ATP6V1H: variants seen among roughly 807,000 people sequenced by gnomAD.
ATP6V1H encodes ATPase H+ transporting V1 subunit H.
ATP6V1H carries 39 observed loss-of-function variants against 71.7 expected under a neutral mutation model. That is an observed-to-expected ratio of 0.54 (90% CI 0.42 to 0.71). ATP6V1H has a LOEUF of 0.71. Among genes scored for constraint, ATP6V1H ranks in the 30% least tolerant of loss-of-function variants. The probability of loss-of-function intolerance (pLI) is 0.00; values close to 1 mark genes in which losing one functional copy is unlikely to be tolerated. For synonymous variants in ATP6V1H, 192 were observed against 199.3 expected (o/e 0.96, Z 0.31); for missense variants, 509 against 594.9 (o/e 0.86, Z 1.50).
At chr8:53,725,916 A>G (rs1319160755) in intron 13 of ATP6V1H, among the ~76,000 whole-genome samples, 1 of 152,194 alleles carries the variant, frequency 6.6e-6, no homozygotes, top group Non-Finnish European at 1.5e-5. Context: ...TTTGGTCTGA[A>G]GGGCGCTGAC....
intron 4 of ATP6V1H, among the ~76,000 whole-genome samples, chr8:53,823,490 G>C (rs539103635): frequency 6.6e-6 from 1 of 152,004 alleles, no homozygotes; most frequent in African/African-American, 2.4e-5. Flanking sequence ...TTTTTGGGGG[G>C]GCGGGGGAGA....
chr8:53,837,293 C>T (rs565153307), intron 2 of ATP6V1H, among the ~76,000 whole-genome samples: 3 of 152,264 alleles, frequency 2.0e-5, no homozygotes, highest in South Asian at 4.1e-4. Context: ...CACAATACTC[C>T]ATTCATAATT....
At chr8:53,737,047 A>G (rs1318963237) in intron 13 of ATP6V1H, among the ~76,000 whole-genome samples, 1 of 152,222 alleles carries the variant, frequency 6.6e-6, no homozygotes, top group African/African-American at 2.4e-5. Context: ...TGCTTGCTCA[A>G]TTGATCACAA....
intron 3 of ATP6V1H, chr8:53,832,039 C>A (rs1260252480): frequency 1.3e-5 from 2 of 152,028 alleles, no homozygotes; most frequent in South Asian, 4.1e-4. Context: ...GAAAATTACA[C>A]AACGGAACTT....
chr8:53,839,575 T>C, intron 2 of ATP6V1H: 1 of 979,418 alleles, frequency 1.0e-6, no homozygotes, highest in East Asian at 1.1e-4. Flanking sequence ...AATACCTTGG[T>C]TACTGCTATA....
chr8:53,825,641 C>A (rs1056523235), intron 4 of ATP6V1H, among the ~76,000 whole-genome samples: 2 of 152,078 alleles, frequency 1.3e-5, no homozygotes, highest in Non-Finnish European at 2.9e-5. Context: ...GGCAGCATCT[C>A]CAACCACTAT....
At chr8:53,830,083 T>C (rs1032900400) in intron 3 of ATP6V1H, among the ~76,000 whole-genome samples, 2 of 152,196 alleles carry the variant, frequency 1.3e-5, no homozygotes, top group South Asian at 4.1e-4. Context: ...CTTCAGCCAA[T>C]GAGGCCCCCC....
chr8:53,834,135 A>T (rs535374558), intron 2 of ATP6V1H, among the ~76,000 whole-genome samples: 32 of 152,238 alleles, frequency 2.1e-4, no homozygotes, highest in African/African-American at 7.7e-4. Context: ...AGCTCCTTTA[A>T]GCCACCAGTA....
At chr8:53,763,426 A>T (rs532914180) in intron 11 of ATP6V1H, among the ~76,000 whole-genome samples, 83 of 152,234 alleles carry the variant, frequency 5.5e-4, no homozygotes, top group Non-Finnish European at 9.7e-4. Context: ...AACACTGTTG[A>T]AAGAAATTAA....
At chr8:53,818,981 G>A (rs903397093) in intron 4 of ATP6V1H, among the ~76,000 whole-genome samples, 1 of 152,042 alleles carries the variant, frequency 6.6e-6, no homozygotes, top group African/African-American at 2.4e-5. Context: ...CCAAGTGGGA[G>A]GGCTGCTTGA....
At chr8:53,718,029 G>A (rs965212582) in intron 13 of ATP6V1H, among the ~76,000 whole-genome samples, 1 of 152,172 alleles carries the variant, frequency 6.6e-6, no homozygotes, top group Non-Finnish European at 1.5e-5. Context: ...GTATGGGAAA[G>A]CCTCCAGGAG....
chr8:53,757,786 T>C (rs1808127133), intron 11 of ATP6V1H, among the ~76,000 whole-genome samples: 1 of 152,156 alleles, frequency 6.6e-6, no homozygotes, highest in Admixed American at 6.5e-5. Flanking sequence ...ACCATTCTCC[T>C]CTCCTACTCC....
At chr8:53,791,644 T>G (rs1170631752) in intron 9 of ATP6V1H, among the ~76,000 whole-genome samples, 1 of 152,190 alleles carries the variant, frequency 6.6e-6, no homozygotes, top group East Asian at 1.9e-4. Flanking sequence ...AGATAACTAT[T>G]CCTGGTTCAA....
intron 9 of ATP6V1H, among the ~76,000 whole-genome samples, chr8:53,790,394 C>T (rs1375647241): frequency 2.0e-5 from 3 of 152,142 alleles, no homozygotes; most frequent in Non-Finnish European, 2.9e-5. Flanking sequence ...ACCATGACTG[C>T]TGTAGCCCTG....
chr8:53,801,716 T>C, intron 8 of ATP6V1H, 83 bp downstream of exon 8: 1 of 1,121,318 alleles, frequency 8.9e-7, no homozygotes, highest in Admixed American at 2.5e-5. Context: ...AATATTTCTT[T>C]TAGATGATTA....
At chr8:53,824,106 A>G (rs988664847) in intron 4 of ATP6V1H, among the ~76,000 whole-genome samples, 1 of 152,152 alleles carries the variant, frequency 6.6e-6, no homozygotes, top group African/African-American at 2.4e-5. Flanking sequence ...TTAGTCTTCT[A>G]TGAAAGTAAA....
intron 12 of ATP6V1H, among the ~76,000 whole-genome samples, chr8:53,751,484 G>A (rs2130228084): frequency 6.6e-6 from 1 of 152,296 alleles, no homozygotes; most frequent in East Asian, 1.9e-4. Context: ...GCTGTTTGAA[G>A]GAAGGAATAG....
At chr8:53,828,853 A>G (rs1810905269) in intron 4 of ATP6V1H, among the ~76,000 whole-genome samples, 1 of 152,208 alleles carries the variant, frequency 6.6e-6, no homozygotes, top group Non-Finnish European at 1.5e-5. Flanking sequence ...CGATCTCATA[A>G]GAACTGCTCT....
chr8:53,788,553 TA>T (rs1809454584), intron 9 of ATP6V1H, among the ~76,000 whole-genome samples: 1 of 152,168 alleles, frequency 6.6e-6, no homozygotes, highest in East Asian at 1.9e-4. Flanking sequence ...GGCAGGGAAA[TA>T]AATACATACT....
Sources: gnomAD v4.1 joint callset for allele counts (sites outside exome capture counted in the v4.1 genomes callset) on GRCh38, gnomAD v4.1.1 for gene constraint, MANE v1.5 for transcripts, NCBI Gene and HGNC (gene_info 2026-07-23, HGNC 2026-07-21) for gene names.